The following USP49 variants were observed in gnomAD, a reference collection of about 807,000 sequenced individuals.
The protein encoded by USP49 is ubiquitin carboxyl-terminal hydrolase 49.
Under a neutral mutation model 58.6 loss-of-function variants are expected in USP49, and 24 were observed. That is an observed-to-expected ratio of 0.41 (90% CI 0.30 to 0.58). The LOEUF is 0.58. Ranked by LOEUF, USP49 falls within the 20% of genes least tolerant of loss-of-function variation. USP49 has a pLI of 0.30. For synonymous variants in USP49, 408 were observed against 365.1 expected (o/e 1.12, Z -1.34); for missense variants, 703 against 866.1 (o/e 0.81, Z 2.36).
At chr6:41,797,742 G>A (rs1772911566) in intron 7 of USP49, 1 of 985,698 alleles carries the variant, frequency 1.0e-6, no homozygotes, top group African/African-American at 1.7e-5. Context: ...TAACCAAGAA[G>A]GAAACTGGGG....
chr6:41,880,032 T>C (rs753547767), intron 2 of USP49, among the ~76,000 whole-genome samples: 4 of 152,156 alleles, frequency 2.6e-5, no homozygotes, highest in Non-Finnish European at 4.4e-5. Flanking sequence ...ACAAGTAATG[T>C]ATTTTAAGGA....
chr6:41,838,603 A>G (rs1343177556), intron 3 of USP49, among the ~76,000 whole-genome samples: 1 of 152,222 alleles, frequency 6.6e-6, no homozygotes, highest in African/African-American at 2.4e-5. Context: ...ACTCTGTGGT[A>G]TAAATAAATC....
Position 41,806,339 on chromosome 6 carries a change from C to A in USP49, c.645G>T (p.Thr215=). ...PRKSARLLLH[T]PRDAGPAASR... ...AGGCAGCCGGGCCCGCGTCGCGGGG[C>A]GTGTGCAGGAGCAGCCGTGCACTCT... The change falls in exon 4 of 8, where the codon ACG becomes ACT. Residue 215 remains threonine (T), a synonymous_variant. Coordinates refer to ENST00000682992, the MANE Select transcript of USP49 (RefSeq NM_001286554.2). The surrounding 1 kb of genome is among the most constrained non-coding windows in gnomAD (Gnocchi z 5.9). The A allele has an allele frequency of 6.5e-7, 1 of 1,529,356 alleles. No homozygotes were observed. Among genetic ancestry groups the A allele is most frequent in the Non-Finnish European group, 8.7e-7 (1 of 1,149,460 alleles). 94.7% of individuals were successfully genotyped at this position (1,529,356 alleles called of 1,614,324 possible).
chr6:41,796,376 A>G lies in USP49; in HGVS notation c.*157T>C, dbSNP rs1772887082. ...AACTCATTCAAAAGAAAGAGACTAT[A>G]AAATTTACGACAGGACACGAATCAC... On this transcript the variant is annotated 3_prime_UTR_variant, in exon 8 of 8. Transcript: ENST00000682992. 1.9e-6 allele frequency: 1 copy of G among 537,774 alleles called. No homozygotes were observed. Among genetic ancestry groups the G allele is most frequent in the Non-Finnish European group, 3.4e-6 (1 of 298,136 alleles). 33.3% of individuals were successfully genotyped at this position (537,774 alleles called of 1,614,324 possible).
chr6:41,798,698 C>T (rs973134722), intron 7 of USP49, 26 bp downstream of exon 7: 2 of 1,613,826 alleles, frequency 1.2e-6, no homozygotes, highest in Non-Finnish European at 1.7e-6. Flanking sequence ...CCGTGTCCCC[C>T]ACCCCACAGA....
chr6:41,800,428 C>T (rs1176307531), intron 5 of USP49, among the ~76,000 whole-genome samples: 2 of 152,126 alleles, frequency 1.3e-5, no homozygotes, highest in African/African-American at 2.4e-5. Flanking sequence ...TTATTTGGGT[C>T]GACTGTTACA....
rs528327734 is a variant in USP49, at chr6:41,797,830, A to T, written c.1876+894T>A. The T allele has an allele frequency of 1.0e-4, 99 of 983,752 alleles. 1 individual carries two copies. In the African/African-American group the frequency reaches 1.6e-3, roughly 16 times the overall value. The allele number at this position is 983,752 out of a possible 1,614,324, so 60.9% of individuals were successfully genotyped here. ...TTTGATAATACTACAATATCCTCTA[A>T]CACTGACTGAATAAGTACTATGTGG... On this transcript the variant is annotated intron_variant, in intron 7 of 7. Transcript: ENST00000682992.
At chr6:41,822,057 C>G (rs1307606396) in intron 3 of USP49, among the ~76,000 whole-genome samples, 1 of 152,098 alleles carries the variant, frequency 6.6e-6, no homozygotes, top group African/African-American at 2.4e-5. Context: ...GTTTAAAAAG[C>G]CTATTGAATC....
At chr6:41,837,799 T>C (rs761230181) in intron 3 of USP49, among the ~76,000 whole-genome samples, 10 of 152,114 alleles carry the variant, frequency 6.6e-5, no homozygotes, top group Non-Finnish European at 1.2e-4. Flanking sequence ...GCAAAGGACA[T>C]GAACATACAT....
chr6:41,799,166 T>C (rs1402130128), intron 6 of USP49, among the ~76,000 whole-genome samples: 3 of 151,718 alleles, frequency 2.0e-5, no homozygotes, highest in Non-Finnish European at 4.4e-5. Context: ...AGTGGTGTGA[T>C]TGATAAAGGC....
intron 3 of USP49, among the ~76,000 whole-genome samples, chr6:41,821,635 G>A (rs1773454290): frequency 6.6e-6 from 1 of 152,110 alleles, no homozygotes; most frequent in Non-Finnish European, 1.5e-5. Context: ...TTAGTTGGGT[G>A]TGGTGGTGGG....
chr6:41,878,664 T>C (rs1378566246), intron 2 of USP49, among the ~76,000 whole-genome samples: 1 of 152,208 alleles, frequency 6.6e-6, no homozygotes, highest in African/African-American at 2.4e-5. Flanking sequence ...ATTAATTCTG[T>C]CATTATCAAG....
At chr6:41,852,965 G>A (rs2127351131) in intron 3 of USP49, among the ~76,000 whole-genome samples, 1 of 152,282 alleles carries the variant, frequency 6.6e-6, no homozygotes, top group South Asian at 2.1e-4. Flanking sequence ...CTAGGCGGAT[G>A]GATCACCTGA....
chr6:41,890,393 G>A (rs1386823894), intron 2 of USP49, among the ~76,000 whole-genome samples: 5 of 144,104 alleles, frequency 3.5e-5, no homozygotes, highest in East Asian at 2.0e-4. Flanking sequence ...AAAAAAAAAC[G>A]AGTGGATCAA....
At chr6:41,857,372 C>T (rs192912309) in intron 3 of USP49, among the ~76,000 whole-genome samples, 3 of 152,298 alleles carry the variant, frequency 2.0e-5, no homozygotes, top group Admixed American at 6.5e-5. Flanking sequence ...CATCTGGGCG[C>T]GGTGGCTCAT....
intron 3 of USP49, among the ~76,000 whole-genome samples, chr6:41,811,462 G>GA (rs928605799): frequency 6.6e-6 from 1 of 152,040 alleles, no homozygotes; most frequent in Non-Finnish European, 1.5e-5. Flanking sequence ...GTATGTACAG[G>GA]AAAAAAACAT....
At chr6:41,802,463 TATTTATTTTTTATTTA>T (rs1773032465) in intron 5 of USP49, among the ~76,000 whole-genome samples, 10 of 95,278 alleles carry the variant, frequency 1.0e-4, no homozygotes, top group East Asian at 2.7e-4. Flanking sequence ...TTTATTTATT[TATTTATTTTTTATTTA>T]TTTTTTTTTT....
chr6:41,878,100 A>G (rs543300717), intron 2 of USP49, among the ~76,000 whole-genome samples: 35 of 152,212 alleles, frequency 2.3e-4, no homozygotes, highest in Non-Finnish European at 4.1e-4. Context: ...TGCAAAGATC[A>G]AATAAGAAAA....
At chr6:41,828,288 C>CA (rs963144215) in intron 3 of USP49, among the ~76,000 whole-genome samples, 40 of 145,630 alleles carry the variant, frequency 2.7e-4, no homozygotes, top group Non-Finnish European at 3.2e-4. Context: ...ACTAAAAATA[C>CA]AAAAAAAAAA....
Sources: allele counts gnomAD v4.1 joint callset (sites outside exome capture counted in the v4.1 genomes callset), GRCh38; gene constraint gnomAD v4.1.1; non-coding constraint Gnocchi (gnomAD v3.1); transcripts MANE v1.5; gene names NCBI Gene and HGNC (gene_info 2026-07-23, HGNC 2026-07-21).